Variants in RCBTB2 observed in about 807,000 individuals in gnomAD.
RCBTB2 encodes the protein RCC1 and BTB domain-containing protein 2.
A neutral mutation model predicts 65.4 loss-of-function variants in RCBTB2; 55 were observed. The observed-to-expected ratio is 0.84, with a 90% confidence interval of 0.68 to 1.05. RCBTB2 has a LOEUF of 1.05. Among genes scored for constraint, RCBTB2 ranks in the 50% least tolerant of loss-of-function variants. RCBTB2 has a pLI of 0.00. For missense variants in RCBTB2, 599 were observed against 680.1 expected (o/e 0.88, Z 1.33); for synonymous variants, 220 against 255.2 (o/e 0.86, Z 1.31).
chr13:48,502,041 T>C (rs774866433), intron 11 of RCBTB2, among the ~76,000 whole-genome samples, 173 bp from the exon 12 acceptor site: 16 of 152,184 alleles, frequency 1.1e-4, no homozygotes, highest in Non-Finnish European at 1.9e-4. Context: ...CTGTAATCAT[T>C]AAGAATAAGA....
At chr13:48,500,346 T>A (rs961855800) in intron 12 of RCBTB2, among the ~76,000 whole-genome samples, 2 of 151,956 alleles carry the variant, frequency 1.3e-5, no homozygotes, top group Non-Finnish European at 2.9e-5. Flanking sequence ...GATCACGAGG[T>A]CAGGAGTTTG....
In RCBTB2 at chr13:48,521,974, G is replaced by A; in HGVS notation, c.-23-12C>T. ...GTCCTGGGCAGTCCCTGAGGAAAAA[G>A]TATGTGGTAAAATCAGGATCCCTTA... On this transcript the variant is annotated splice_polypyrimidine_tract_variant and intron_variant, in intron 3 of 14. Transcript: ENST00000344532. 1.2e-6 allele frequency: 2 copies of A among 1,611,472 alleles called. No individual in the cohort carries two copies. The highest frequency in any genetic ancestry group is 1.7e-6 in the Non-Finnish European group (2 of 1,178,754).
At chr13:48,526,253 A>G (rs536877682) in intron 1 of RCBTB2, among the ~76,000 whole-genome samples, 1 of 152,192 alleles carries the variant, frequency 6.6e-6, no homozygotes, top group Non-Finnish European at 1.5e-5. Flanking sequence ...AAATTGAATC[A>G]ATACCCTAGG....
At position 48,522,733 on chromosome 13, in the gene RCBTB2, G is replaced by C. The variant is rs9331966; in HGVS notation, c.-119-330C>G. ...GCAATTTAATAAGGCTGTATTTAAT[G>C]ATGTTGCTTTTTCTAATTGACGAGG... On this transcript the variant is annotated intron_variant, in intron 2 of 14. Transcript: ENST00000344532. Among the ~76,000 whole-genome samples the C allele has an allele frequency of 1.1e-4, 16 of 152,304 alleles. 1 individual carries two copies. In the East Asian group the frequency reaches 2.7e-3, roughly 26 times the overall value.
rs147666176 is a variant in RCBTB2 at position 48,489,750 on chromosome 13, T to C, written c.*361A>G. Reference sequence around the variant, plus strand: ...TGGTAAGGACAGACAGCACTCCTTGTCAAGCTATCTATGTGGTATCAGCCA... The same window carrying C: ...TGGTAAGGACAGACAGCACTCCTTGCCAAGCTATCTATGTGGTATCAGCCA... On this transcript the variant is annotated 3_prime_UTR_variant, in exon 15 of 15. Coordinates refer to ENST00000344532, the MANE Select transcript of RCBTB2 (RefSeq NM_001268.4). 1.5e-3 allele frequency: 393 copies of C among 263,954 alleles called. 3 individuals are homozygous for C. Among genetic ancestry groups the C allele is most frequent in the African/African-American group, 8.3e-3 (364 of 43,782 alleles). 16.4% of individuals were successfully genotyped at this position (263,954 alleles called of 1,614,324 possible).
chr13:48,510,454 A>G, intron 10 of RCBTB2, among the ~76,000 whole-genome samples, 175 bp downstream of exon 10: 1 of 152,250 alleles, frequency 6.6e-6, no homozygotes. Flanking sequence ...CATATTTAAC[A>G]TACAATCAAC....
Position 48,516,897 on chromosome 13 carries a change from C to CT in RCBTB2, c.43-1157dup, listed in dbSNP as rs768827720. On this transcript the variant is annotated intron_variant, in intron 4 of 14. Coordinates refer to ENST00000344532, the MANE Select transcript of RCBTB2 (RefSeq NM_001268.4). The stretch of plus-strand genomic sequence containing the variant: ...TAAGATACATAAACAGCCAATATGT[C>CT]TATCAAATGGCATGTCTGCTATTTC... 2.6e-5 allele frequency among the ~76,000 whole-genome samples: 4 copies of CT among 152,324 alleles called. No individual in the cohort carries two copies. In the South Asian group the frequency reaches 6.2e-4, roughly 24 times the overall value.
intron 14 of RCBTB2, 128 bp downstream of exon 14, chr13:48,496,063 G>A: frequency 1.1e-6 from 1 of 870,018 alleles, no homozygotes; most frequent in Non-Finnish European, 1.5e-6. Context: ...TAGTACTCTT[G>A]TTACTTCATT....
At chr13:48,533,171 G>T, upstream of RCBTB2, 1 of 373,610 alleles carries the variant, frequency 2.7e-6, no homozygotes, top group Non-Finnish European at 5.4e-6. Flanking sequence ...CGGCCGAGAC[G>T]GAAACGAAGG....
rs561298956 is a variant in RCBTB2 at position 48,512,282 on chromosome 13, C to T, written c.517-108G>A. 36 of 912,694 alleles carry T rather than the reference C, an allele frequency of 3.9e-5. No individual in the cohort carries two copies. In the East Asian group the frequency reaches 9.0e-4, roughly 23 times the overall value. The allele number at this position is 912,694 out of a possible 1,614,324, so 56.5% of individuals were successfully genotyped here. On this transcript the variant is annotated intron_variant, in intron 7 of 14. Transcript: ENST00000344532. ...GAGTCTTTCCTCTCAAAGTGCTTCACATTCATAAATCCTCACAACACAGGC... is the reference window on the plus strand; with the variant it reads ...GAGTCTTTCCTCTCAAAGTGCTTCATATTCATAAATCCTCACAACACAGGC...
chr13:48,498,607 G>C (rs1055549563), intron 13 of RCBTB2, among the ~76,000 whole-genome samples: 7 of 152,174 alleles, frequency 4.6e-5, no homozygotes, highest in African/African-American at 1.7e-4. Context: ...GTGCATGCCT[G>C]TAATCCCAGC....
intron 10 of RCBTB2, among the ~76,000 whole-genome samples, chr13:48,505,459 A>T (rs1340330276): frequency 1.3e-5 from 2 of 152,252 alleles, no homozygotes; most frequent in East Asian, 3.8e-4. Flanking sequence ...GTGCTGTGCA[A>T]AAGAACCGTG....
In RCBTB2 at chr13:48,515,599, G is replaced by A. The variant is rs1317632865; in HGVS notation, c.185C>T (p.Thr62Ile). ...GSAGNEVLYTTVNDEIFVLGT... is the reference protein window; with the variant it reads ...GSAGNEVLYTIVNDEIFVLGT... The stretch of plus-strand genomic sequence containing the variant: ...CTTCAAAATTACCTCATCATTTACT[G>A]TAGTGTATAAAACTTCATTGCCAGC... Residue 62 changes from threonine (T) to isoleucine (I), a missense_variant, in exon 5 of 15, where the codon ACA becomes ATA. Coordinates refer to ENST00000344532, the MANE Select transcript of RCBTB2 (RefSeq NM_001268.4). The A allele has an allele frequency of 6.2e-7, 1 of 1,605,052 alleles. No homozygotes were observed. Among genetic ancestry groups the A allele is most frequent in the Non-Finnish European group, 8.5e-7 (1 of 1,177,498 alleles).
chr13:48,513,250 A>T (rs1481282227), intron 6 of RCBTB2, among the ~76,000 whole-genome samples: 1 of 152,222 alleles, frequency 6.6e-6, no homozygotes, highest in Non-Finnish European at 1.5e-5. Context: ...TATCTTTAAA[A>T]TAATCACCAA....
chr13:48,525,394 A>G (rs1407628929), intron 1 of RCBTB2, among the ~76,000 whole-genome samples: 1 of 137,756 alleles, frequency 7.3e-6, no homozygotes, highest in Non-Finnish European at 1.6e-5. Flanking sequence ...ATATATATAT[A>G]TATATATATA....
Position 48,489,943 on chromosome 13 carries a change from C to T in RCBTB2, c.*168G>A, listed in dbSNP as rs1322737533. 3 of 706,418 alleles carry T rather than the reference C, an allele frequency of 4.2e-6. No individual in the cohort carries two copies. The highest frequency in any genetic ancestry group is 1.8e-5 in the African/African-American group (1 of 55,214). 43.8% of individuals were successfully genotyped at this position (706,418 alleles called of 1,614,324 possible). ...GAACATTCAATGCTTTCTACATAAA[C>T]TCTGGGTTTAGGCAGACAAAGACCA... On this transcript the variant is annotated 3_prime_UTR_variant, in exon 15 of 15. Coordinates refer to ENST00000344532, the MANE Select transcript of RCBTB2 (RefSeq NM_001268.4).
chr13:48,531,315 C>T (rs1307500462), intron 1 of RCBTB2, among the ~76,000 whole-genome samples: 1 of 152,168 alleles, frequency 6.6e-6, no homozygotes, highest in Non-Finnish European at 1.5e-5. Flanking sequence ...TTTATTTCTA[C>T]AATTAACAAA....
At chr13:48,495,452 T>C (rs1421519593) in intron 14 of RCBTB2, among the ~76,000 whole-genome samples, 1 of 152,232 alleles carries the variant, frequency 6.6e-6, no homozygotes, top group Non-Finnish European at 1.5e-5. Flanking sequence ...TTTCTTGATA[T>C]TAACATTTTA....
intron 4 of RCBTB2, among the ~76,000 whole-genome samples, chr13:48,519,430 C>T (rs1951293148): frequency 6.6e-6 from 1 of 152,168 alleles, no homozygotes; most frequent in Non-Finnish European, 1.5e-5. Context: ...CTGTAAATTC[C>T]AGCCAGCTCT....
Sources: allele counts gnomAD v4.1 joint callset (sites outside exome capture counted in the v4.1 genomes callset), GRCh38; gene constraint gnomAD v4.1.1; transcripts MANE v1.5; gene names NCBI Gene and HGNC (gene_info 2026-07-23, HGNC 2026-07-21).